The following ARID2 variants were observed in gnomAD, a reference collection of about 807,000 sequenced individuals.
The protein encoded by ARID2 is AT-rich interactive domain-containing protein 2.
In ARID2, 32 loss-of-function variants were observed where a neutral mutation model predicts 184.6. The observed-to-expected ratio is 0.17, with a 90% CI of 0.13 to 0.23. The LOEUF (loss-of-function observed/expected upper bound fraction) is 0.23, where lower values mean the gene tolerates loss of function less well. Among genes scored for constraint, ARID2 ranks in the 10% least tolerant of loss-of-function variants. The pLI, the probability that ARID2 is intolerant of heterozygous loss-of-function variation, is 1.00. For missense variants in ARID2, 1,696 were observed against 2,197.6 expected, an observed-to-expected ratio of 0.77 and a Z score of 4.56; for synonymous variants, 836 against 772.6, an observed-to-expected ratio of 1.08 and a Z score of -1.36.
At chr12:45,888,955 A>G (rs1052281976) in intron 16 of ARID2, among the ~76,000 whole-genome samples, 1 of 152,194 alleles carries the variant, frequency 6.6e-6, no homozygotes, top group Non-Finnish European at 1.5e-5. Flanking sequence ...TGGGAGGCCA[A>G]GGCAGGCGAA....
At chr12:45,769,544 G>A (rs1381593635) in intron 3 of ARID2, among the ~76,000 whole-genome samples, 1 of 152,200 alleles carries the variant, frequency 6.6e-6, no homozygotes, top group East Asian at 1.9e-4. Context: ...TCATAGAAAT[G>A]TGGGACGCCA....
rs2137962442 is a variant in ARID2, at chr12:45,731,198, T to C, written c.187-19T>C. ...CTTAGATTGTTCACGTTCAGACAAC[T>C]GTGCCTGTGTTTTACCAGGTTTCTG... On this transcript the variant is annotated intron_variant, in intron 2 of 20. Coordinates refer to ENST00000334344, the MANE Select transcript of ARID2 (RefSeq NM_152641.4). 6.4e-7 allele frequency: 1 copy of C among 1,553,088 alleles called. No homozygotes were observed. Among genetic ancestry groups the C allele is most frequent in the Non-Finnish European group, 8.9e-7 (1 of 1,124,294 alleles).
intron 16 of ARID2, among the ~76,000 whole-genome samples, chr12:45,879,295 T>C (rs527582665): frequency 9.1e-4 from 138 of 152,302 alleles, no homozygotes; most frequent in African/African-American, 3.0e-3. Context: ...AAAGTCGTTT[T>C]TCATGAGACA....
intron 4 of ARID2, among the ~76,000 whole-genome samples, chr12:45,816,799 G>C (rs1942812163): frequency 6.6e-6 from 1 of 152,160 alleles, no homozygotes. Flanking sequence ...GACAACAAAA[G>C]ACTATATTGT....
Position 45,775,893 on chromosome 12 carries a change from T to C in ARID2, c.285-35525T>C, listed in dbSNP as rs1227923186. ...AATTTCTAGCTGGTAAACTTAACCT[T>C]TCGAAGAATGTTTTAACCTACGTTG... is the stretch of plus-strand genomic sequence containing the variant. On this transcript the variant is annotated intron_variant, in intron 3 of 20. Transcript: ENST00000334344. 2.0e-5 allele frequency among the ~76,000 whole-genome samples: 3 copies of C among 152,250 alleles called. 1 individual carries two copies. The South Asian group carries it at 6.2e-4, about 31-fold the overall frequency.
intron 3 of ARID2, among the ~76,000 whole-genome samples, chr12:45,733,470 T>C (rs1941042717): frequency 6.6e-6 from 1 of 152,230 alleles, no homozygotes; most frequent in African/African-American, 2.4e-5. Context: ...TACGTCAGAT[T>C]GAATATCATC....
intron 3 of ARID2, among the ~76,000 whole-genome samples, chr12:45,755,009 C>G (rs1436951296): frequency 6.6e-6 from 1 of 152,052 alleles, no homozygotes; most frequent in Non-Finnish European, 1.5e-5. Flanking sequence ...AGATGGGGGA[C>G]TTTTTAGATA....
chr12:45,841,352 G>A (rs1943339175), intron 11 of ARID2: 1 of 152,138 alleles, frequency 6.6e-6, no homozygotes, highest in Admixed American at 6.5e-5. Context: ...ATTCATTTAT[G>A]TAGTAATTAA....
At chr12:45,819,751 T>C (rs1408372083) in intron 5 of ARID2, among the ~76,000 whole-genome samples, 1 of 151,804 alleles carries the variant, frequency 6.6e-6, no homozygotes, top group Non-Finnish European at 1.5e-5. Flanking sequence ...TTTTGGGTTT[T>C]TTTTTTTTAA....
chr12:45,859,282 C>A (rs368455114), intron 15 of ARID2, among the ~76,000 whole-genome samples: 5 of 152,114 alleles, frequency 3.3e-5, no homozygotes, highest in African/African-American at 1.2e-4. Context: ...CTATAGTATT[C>A]GGTACAGTAA....
At chr12:45,839,260 GT>G in intron 10 of ARID2, 68 bp from the exon 11 acceptor site, 2 of 1,353,658 alleles carry the variant, frequency 1.5e-6, no homozygotes, top group Non-Finnish European at 2.0e-6. Flanking sequence ...TGTACAACAT[GT>G]GTTCACCAGT....
chr12:45,739,675 A>G (rs555441631), intron 3 of ARID2, among the ~76,000 whole-genome samples: 2 of 151,982 alleles, frequency 1.3e-5, no homozygotes, highest in Non-Finnish European at 2.9e-5. Flanking sequence ...GTGCACAAAG[A>G]TGATCTTTAT....
Position 45,850,142 on chromosome 12 carries a change from T to A in ARID2, c.2019T>A (p.Gly673=). 1 of 1,614,086 alleles carries A rather than the reference T, an allele frequency of 6.2e-7. No individual in the cohort carries two copies. The highest frequency in any genetic ancestry group is 1.1e-5 in the South Asian group (1 of 91,076). Residue 673 remains glycine, a synonymous_variant, in exon 15 of 21, where the codon GGT becomes GGA. Transcript: ENST00000334344. ...CACAAATGTCTTTTCCTGTACAAGG[T>A]GTTCATACTGTGGCACAAACTGTTT... is the stretch of plus-strand genomic sequence containing the variant. ...TATQMSFPVQ[G]VHTVAQTVSR...
Position 45,731,301 on chromosome 12 carries a change from CAG to C in ARID2, c.272_273del (p.Gln91LeufsTer19). The stretch of plus-strand genomic sequence containing the variant: ...TTCTAACGCTGCCTTTGCTTTAAAA[CAG>C]TATTACTTGCGGTGAGTAGTAGTGA... ...SCSNAAFALKQYYLRYLEKYE... is the reference protein window; with the variant it reads ...SCSNAAFALKXYYLRYLEKYE... On this transcript the variant is annotated frameshift_variant, in exon 3 of 21. Transcript: ENST00000334344. LOFTEE classifies it high-confidence loss of function. 1 of 1,613,070 alleles carries C rather than the reference CAG, an allele frequency of 6.2e-7. No individual in the cohort carries two copies. The highest frequency in any genetic ancestry group is 1.3e-5 in the African/African-American group (1 of 75,042).
In ARID2 at chr12:45,849,046, A is replaced by C. The variant is rs1164304544; in HGVS notation, c.1715+76A>C. ...CTCTTGCTCTTTAAAGAAAATACCA[A>C]ATATCTTATCTAGTTTTAAATATTT... On this transcript the variant is annotated intron_variant, in intron 13 of 20. Transcript: ENST00000334344. 2.0e-6 allele frequency: 3 copies of C among 1,472,056 alleles called. No individual in the cohort carries two copies. In the African/African-American group the frequency reaches 4.2e-5, roughly 21 times the overall value. The allele number at this position is 1,472,056 out of a possible 1,614,324, so 91.2% of individuals were successfully genotyped here.
intron 15 of ARID2, among the ~76,000 whole-genome samples, chr12:45,856,556 A>T (rs1451736010): frequency 6.6e-6 from 1 of 152,146 alleles, no homozygotes; most frequent in Non-Finnish European, 1.5e-5. Flanking sequence ...TTGCACCCTG[A>T]TAAGGGATTT....
chr12:45,840,491 A>G (rs906947394), intron 11 of ARID2: 1 of 152,064 alleles, frequency 6.6e-6, no homozygotes, highest in South Asian at 2.1e-4. Context: ...TCCCATCTCC[A>G]TGTTCCCATA....
chr12:45,737,392 G>T (rs976285280), intron 3 of ARID2, among the ~76,000 whole-genome samples: 4 of 151,820 alleles, frequency 2.6e-5, no homozygotes, highest in Middle Eastern at 3.4e-3. Context: ...TTGATTTGGA[G>T]TAAAGGGGTC....
chr12:45,813,458 T>TAAAAA (rs56373880), intron 4 of ARID2, among the ~76,000 whole-genome samples: 1 of 138,296 alleles, frequency 7.2e-6, no homozygotes, highest in Non-Finnish European at 1.6e-5. Context: ...GCATGTGTTC[T>TAAAAA]AAAAAAAAAA....
Sources: gnomAD v4.1 joint callset for allele counts (sites outside exome capture counted in the v4.1 genomes callset) on GRCh38, gnomAD v4.1.1 for gene constraint, MANE v1.5 for transcripts, NCBI Gene and HGNC (gene_info 2026-07-23, HGNC 2026-07-21) for gene names.